The following HERC2 variants were observed in gnomAD, a reference collection of about 807,000 sequenced individuals.
HERC2 encodes HECT and RLD domain containing E3 ubiquitin protein ligase 2, also known as E3 ubiquitin-protein ligase HERC2.
A neutral mutation model predicts 537.7 loss-of-function variants in HERC2; 102 were observed. The observed-to-expected ratio is 0.19, with a 90% CI of 0.16 to 0.22. The LOEUF (loss-of-function observed/expected upper bound fraction) is 0.22, where lower values mean the gene tolerates loss of function less well. Ranked by LOEUF, HERC2 falls within the 10% of genes least tolerant of loss-of-function variation. The pLI is 1.00. For synonymous variants in HERC2, 2,224 were observed against 2,466.2 expected, an observed-to-expected ratio of 0.90 and a Z score of 2.91; for missense variants, 4,236 against 6,198.2, an observed-to-expected ratio of 0.68 and a Z score of 10.63.
chr15:28,165,158 C>T (rs1463386855), intron 68 of HERC2, among the ~76,000 whole-genome samples: 1 of 152,170 alleles, frequency 6.6e-6, no homozygotes, highest in Non-Finnish European at 1.5e-5. Flanking sequence ...GAAGGTGCCA[C>T]ACTCTGGGTC....
chr15:28,122,104 A>G lies in HERC2; in HGVS notation c.13189-675T>C, dbSNP rs891147771. Among the ~76,000 whole-genome samples, 2 of 12,584 alleles carry G rather than the reference A, an allele frequency of 1.6e-4. No homozygotes were observed. The highest frequency in any genetic ancestry group is 7.6e-4 in the African/African-American group (2 of 2,640). 8.3% of individuals were successfully genotyped at this position (12,584 alleles called of 152,430 possible). A position where few individuals can be genotyped will look rare whatever the true frequency, so the allele number is the denominator to read the frequency against. On this transcript the variant is annotated intron_variant, in intron 85 of 92. Transcript: ENST00000261609. The surrounding 1 kb of genome is among the most constrained non-coding windows in gnomAD (Gnocchi z 4.1). ...GACCTTGGATCGGGACAGAAAAGAC[A>G]GACCGGGGAGGGGAAACAAGGTCCT...
intron 35 of HERC2, among the ~76,000 whole-genome samples, chr15:28,225,993 C>T (rs1224524052): frequency 2.0e-5 from 3 of 152,096 alleles, no homozygotes; most frequent in African/African-American, 7.2e-5. Flanking sequence ...GTCAACTCTA[C>T]CAAAGATTTA....
At chr15:28,292,209 A>ACAAGAGC (rs1421090912) in intron 4 of HERC2, among the ~76,000 whole-genome samples, 78 of 147,432 alleles carry the variant, frequency 5.3e-4, no homozygotes, top group African/African-American at 1.9e-3. Flanking sequence ...AGCCTGGGCA[A>ACAAGAGC]CAAGAGCCAA....
intron 81 of HERC2, 144 bp downstream of exon 81, chr15:28,131,956 G>A (rs1890152006): frequency 1.6e-6 from 1 of 609,726 alleles, no homozygotes; most frequent in Non-Finnish European, 2.8e-6. Context: ...TGGAACGAAG[G>A]TAAAGAGGAG....
chr15:28,191,176 A>G lies in HERC2; in HGVS notation c.8520T>C (p.Ala2840=), dbSNP rs1596175426. 1.9e-6 allele frequency: 3 copies of G among 1,613,804 alleles called. No individual in the cohort carries two copies. Among genetic ancestry groups the G allele is most frequent in the South Asian group, 2.2e-5 (2 of 91,086 alleles). The part of the protein sequence containing the change: ...VHRLKMIVDP[A]DSSYMPSLVV... ...CCAGGGACGGCATGTAGCTACTGTC[A>G]GCAGGATCTACGATCATTTTTAATC... is the stretch of plus-strand genomic sequence containing the variant. Residue 2840 remains alanine (A), a synonymous_variant, in exon 54 of 93, where the codon GCT becomes GCC. Transcript: ENST00000261609.
intron 81 of HERC2, 81 bp from the exon 82 acceptor site, chr15:28,130,675 A>T: frequency 2.1e-6 from 2 of 962,104 alleles, no homozygotes; most frequent in East Asian, 4.8e-5. Flanking sequence ...ATTTAACTAA[A>T]TCTAGTAAGA....
At chr15:28,290,971 A>G (rs1299421578) in intron 4 of HERC2, among the ~76,000 whole-genome samples, 1 of 152,194 alleles carries the variant, frequency 6.6e-6, no homozygotes, top group Non-Finnish European at 1.5e-5. Context: ...TAAAGAGTAA[A>G]GCAGAAATCA....
intron 4 of HERC2, among the ~76,000 whole-genome samples, chr15:28,292,397 G>A (rs921857920): frequency 3.9e-5 from 6 of 152,148 alleles, no homozygotes; most frequent in Admixed American, 3.9e-4. Flanking sequence ...CACAAATTAG[G>A]ATGGCTATCA....
chr15:28,131,113 A>G (rs933484736), intron 81 of HERC2, among the ~76,000 whole-genome samples: 1 of 152,114 alleles, frequency 6.6e-6, no homozygotes, highest in African/African-American at 2.4e-5. Context: ...GATTGCTCTC[A>G]TATGTAAGTT....
At chr15:28,182,285 T>C in intron 57 of HERC2, 116 bp downstream of exon 57, 1 of 608,216 alleles carries the variant, frequency 1.6e-6, no homozygotes, top group South Asian at 2.6e-5. Flanking sequence ...TAATGTCTTT[T>C]AGTTCGTGTA....
At chr15:28,158,183 G>T (rs566670920) in intron 69 of HERC2, among the ~76,000 whole-genome samples, 1 of 152,136 alleles carries the variant, frequency 6.6e-6, no homozygotes, top group Non-Finnish European at 1.5e-5. Context: ...GAGTAAGTGC[G>T]GTGTGGTGCT....
chr15:28,197,052 T>C (rs1372942675), intron 50 of HERC2, among the ~76,000 whole-genome samples: 1 of 152,238 alleles, frequency 6.6e-6, no homozygotes, highest in Non-Finnish European at 1.5e-5. Flanking sequence ...TGTCTTGTTT[T>C]GATTTGCAAA....
intron 82 of HERC2, 70 bp from the exon 83 acceptor site, chr15:28,130,372 G>C (rs1889980039): frequency 6.2e-7 from 1 of 1,604,858 alleles, no homozygotes; most frequent in Non-Finnish European, 8.5e-7. Context: ...CAGCCTCCTG[G>C]GCAGCCTCTG....
intron 2 of HERC2, chr15:28,312,777 G>C (rs1376971311): frequency 2.4e-5 from 23 of 972,580 alleles, no homozygotes; most frequent in Non-Finnish European, 2.7e-5. Flanking sequence ...TTCAACTTTT[G>C]ACTTTTTTGG....
At chr15:28,116,970 A>C (rs760372725) in intron 87 of HERC2, 43 bp downstream of exon 87, 5 of 1,613,516 alleles carry the variant, frequency 3.1e-6, no homozygotes, top group Non-Finnish European at 4.2e-6. Flanking sequence ...TCAGGCGACC[A>C]CTGCCGGGGA....
Position 28,286,085 on chromosome 15 carries a change from T to C in HERC2, c.323-5798A>G, listed in dbSNP as rs145776845. Among the ~76,000 whole-genome samples the C allele has an allele frequency of 7.4e-3, 1,122 of 152,046 alleles. 52 individuals are homozygous for C. Among genetic ancestry groups the C allele is most frequent in the Admixed American group, 0.069 (1,054 of 15,270 alleles). On this transcript the variant is annotated intron_variant, in intron 4 of 92. Transcript: ENST00000261609. ...AGACCCAAATGAACTCACTGGATAATTCCATCAAACATTAAAAAAGAATTA... is the reference window on the plus strand; with the variant it reads ...AGACCCAAATGAACTCACTGGATAACTCCATCAAACATTAAAAAAGAATTA...
Position 28,202,444 on chromosome 15 carries a change from G to A in HERC2, c.7383C>T (p.Ile2461=), listed in dbSNP as rs573275628. The A allele has an allele frequency of 1.5e-4, 228 of 1,540,574 alleles. 1 individual carries two copies. Among genetic ancestry groups the A allele is most frequent in the South Asian group, 4.7e-4 (41 of 87,592 alleles). The change falls in exon 46 of 93, where the codon ATC becomes ATT. Residue 2461 remains isoleucine, a synonymous_variant. Transcript: ENST00000261609. The stretch of plus-strand genomic sequence containing the variant: ...ATCCCATCTCCATGAGCTGCACCAC[G>A]ATCGGCAGAGCGGGAACGGGCGACT... The part of the protein sequence containing the change: ...RKQSPVPALP[I]VVQLMEMGFS...
At chr15:28,197,693 G>C (rs1223892092) in intron 50 of HERC2, among the ~76,000 whole-genome samples, 1 of 152,208 alleles carries the variant, frequency 6.6e-6, no homozygotes, top group Non-Finnish European at 1.5e-5. Flanking sequence ...GGAGGTTGCA[G>C]TGAGTCAAGA....
At chr15:28,262,830 T>A in intron 15 of HERC2, 88 bp downstream of exon 15, 1 of 1,331,676 alleles carries the variant, frequency 7.5e-7, no homozygotes, top group Non-Finnish European at 1.0e-6. Context: ...TCATGGAATG[T>A]CAGGTTAAGA....
Sources: gnomAD v4.1 joint callset for allele counts (sites outside exome capture counted in the v4.1 genomes callset) on GRCh38, gnomAD v4.1.1 for gene constraint, Gnocchi (gnomAD v3.1) non-coding constraint, MANE v1.5 for transcripts, NCBI Gene and HGNC (gene_info 2026-07-23, HGNC 2026-07-21) for gene names.